The following RBM5 variants were observed in gnomAD, a reference collection of about 807,000 sequenced individuals.
The protein encoded by RBM5 is RNA binding motif protein 5, also known as RNA-binding protein 5.
In RBM5, 15 loss-of-function variants were observed where a neutral mutation model predicts 124.6. The ratio of observed to expected loss-of-function variants is 0.12; its 90% CI spans 0.08 to 0.19. The LOEUF is 0.19. Among genes scored for constraint, RBM5 ranks in the 10% least tolerant of loss-of-function variants. The pLI is 1.00. For synonymous variants in RBM5, 337 were observed against 361.2 expected (o/e 0.93, Z 0.76); for missense variants, 580 against 1,026.5 (o/e 0.57, Z 5.94).
At position 50,113,817 on chromosome 3, in the gene RBM5, A is replaced by G; in HGVS notation, c.1618-133A>G. 1.8e-6 allele frequency: 2 copies of G among 1,097,116 alleles called. No individual in the cohort carries two copies. The highest frequency in any genetic ancestry group is 1.3e-6 in the Non-Finnish European group (1 of 764,250). The allele number at this position is 1,097,116 out of a possible 1,614,324, so 68.0% of individuals were successfully genotyped here. On this transcript the variant is annotated intron_variant, in intron 18 of 24. Transcript: ENST00000347869. ...TTATATGTGATAACATCTAATGGAA[A>G]TATTTGTAGGTGGAAGTAAGAGTAA...
intron 11 of RBM5, 75 bp downstream of exon 11, chr3:50,106,939 C>G: frequency 8.1e-7 from 1 of 1,232,160 alleles, no homozygotes; most frequent in South Asian, 1.2e-5. Context: ...GAACGCCAAG[C>G]CTGTGCCCCA....
intron 22 of RBM5, 188 bp from the exon 23 acceptor site, chr3:50,116,886 C>T (rs2091262904): frequency 1.7e-6 from 1 of 593,222 alleles, no homozygotes; most frequent in Non-Finnish European, 3.0e-6. Flanking sequence ...TTCATATTTA[C>T]AAATTTAACA....
At chr3:50,098,893 CAG>C (rs1349662658) in intron 4 of RBM5, among the ~76,000 whole-genome samples, 5 of 152,108 alleles carry the variant, frequency 3.3e-5, no homozygotes, top group African/African-American at 1.2e-4. Flanking sequence ...GAACAAAGGA[CAG>C]GGAGATTAGA....
At chr3:50,109,465 G>C in intron 14 of RBM5, 138 bp from the exon 15 acceptor site, 1 of 684,258 alleles carries the variant, frequency 1.5e-6, no homozygotes, top group Non-Finnish European at 2.6e-6. Context: ...ACAGATTCCA[G>C]GGTACTTAGT....
At chr3:50,110,280 G>T in intron 15 of RBM5, 99 bp from the exon 16 acceptor site, 1 of 967,446 alleles carries the variant, frequency 1.0e-6, no homozygotes, top group Admixed American at 2.3e-5. Context: ...GCTACAGTGT[G>T]TCTGTCAGGG....
At chr3:50,115,341 G>A (rs1461520993) in intron 20 of RBM5, 87 bp from the exon 21 acceptor site, 36 of 1,424,062 alleles carry the variant, frequency 2.5e-5, no homozygotes, top group South Asian at 3.8e-5. Context: ...TTAACATTTC[G>A]GATGAGGCAT....
chr3:50,115,840 A>G, intron 21 of RBM5, 66 bp from the exon 22 acceptor site: 1 of 1,424,082 alleles, frequency 7.0e-7, no homozygotes, highest in Admixed American at 1.7e-5. Context: ...AGATGTTACT[A>G]ATGTTAGGAC....
chr3:50,110,810 GT>G (rs2091129874), intron 17 of RBM5, 40 bp downstream of exon 17: 1 of 1,475,188 alleles, frequency 6.8e-7, no homozygotes, highest in Non-Finnish European at 9.4e-7. Flanking sequence ...ACTAGAAGTA[GT>G]TTCGCTTAGT....
chr3:50,115,916 A>G lies in RBM5; in HGVS notation c.2030A>G (p.Asp677Gly). 1 of 1,613,134 alleles carries G rather than the reference A, an allele frequency of 6.2e-7. No homozygotes were observed. Among genetic ancestry groups the G allele is most frequent in the Non-Finnish European group, 8.5e-7 (1 of 1,179,106 alleles). The change falls in exon 22 of 25, where the codon GAC (aspartate) becomes GGC (glycine). Residue 677 changes from aspartate to glycine, a missense_variant. Around this residue, in one of 6 missense-constraint regions of RBM5, gnomAD observed 234 missense variants for 435.1 expected, o/e 0.54. Transcript: ENST00000347869. Reference protein sequence around the residue: ...QLSDLHKQNMDIYRRSRLSEQ... With the variant: ...QLSDLHKQNMGIYRRSRLSEQ... ...AAATCTTTTGTGTAGCAAAACATGG[A>G]CATCTATCGACGATCCAGGCTGAGC...
At chr3:50,099,535 TA>T (rs1398878160) in intron 4 of RBM5, 1 of 154,340 alleles carries the variant, frequency 6.5e-6, no homozygotes, top group African/African-American at 2.4e-5. Flanking sequence ...CCGTCTCTAC[TA>T]AAAATACAAA....
At chr3:50,092,415 G>T (rs1219172914) in intron 3 of RBM5, among the ~76,000 whole-genome samples, 2 of 152,136 alleles carry the variant, frequency 1.3e-5, no homozygotes, top group Non-Finnish European at 2.9e-5. Context: ...ACAAAAATTA[G>T]CTGAGTGGGG....
intron 15 of RBM5, among the ~76,000 whole-genome samples, chr3:50,110,040 G>A (rs1448375388): frequency 2.0e-5 from 3 of 151,854 alleles, no homozygotes; most frequent in African/African-American, 4.8e-5. Flanking sequence ...GTGAAACCCC[G>A]TCTCTACTAA....
At position 50,090,469 on chromosome 3, in the gene RBM5, G is replaced by A. The variant is rs779999862; in HGVS notation, c.17+18G>A. The A allele has an allele frequency of 6.2e-6, 10 of 1,613,552 alleles. No homozygotes were observed. The African/African-American group carries it at 6.7e-5, about 11-fold the overall frequency. ...GACAAAAGGTAAGTTACTACAGTAC[G>A]TGGCTTTGATCTCAACATTTCAGTG... On this transcript the variant is annotated intron_variant, in intron 2 of 24. Coordinates refer to ENST00000347869, the MANE Select transcript of RBM5 (RefSeq NM_005778.4).
intron 6 of RBM5, chr3:50,102,806 C>A (rs1010422159): frequency 2.6e-6 from 1 of 390,592 alleles, no homozygotes; most frequent in Non-Finnish European, 4.7e-6. Context: ...GTTAGGACTT[C>A]TGTCTCCGCT....
chr3:50,113,278 A>G (rs2091181994), intron 17 of RBM5, 105 bp from the exon 18 acceptor site: 33 of 1,220,150 alleles, frequency 2.7e-5, no homozygotes, highest in Non-Finnish European at 3.7e-5. Flanking sequence ...TGGGCAGGAA[A>G]TATCACTAGT....
intron 4 of RBM5, among the ~76,000 whole-genome samples, chr3:50,095,187 C>G (rs2090788481): frequency 6.6e-6 from 1 of 152,106 alleles, no homozygotes; most frequent in Non-Finnish European, 1.5e-5. Flanking sequence ...GGTGACAGAA[C>G]AAGACCCTGT....
At position 50,113,886 on chromosome 3, in the gene RBM5, T is replaced by G. The variant is rs1186258278; in HGVS notation, c.1618-64T>G. Reference sequence around the variant, plus strand: ...CATATAGTTGAGATAAGATCCTTAATGGCTCATTCTCATGGCACAGGGGAT... The same window carrying G: ...CATATAGTTGAGATAAGATCCTTAAGGGCTCATTCTCATGGCACAGGGGAT... On this transcript the variant is annotated intron_variant, in intron 18 of 24. Coordinates refer to ENST00000347869, the MANE Select transcript of RBM5 (RefSeq NM_005778.4). The G allele has an allele frequency of 2.6e-6, 4 of 1,557,306 alleles. No individual in the cohort carries two copies. In the African/African-American group the frequency reaches 5.5e-5, roughly 21 times the overall value.
At chr3:50,103,188 A>G (rs753169536) in intron 7 of RBM5, 22 bp downstream of exon 7, 7 of 1,561,966 alleles carry the variant, frequency 4.5e-6, no homozygotes, top group Admixed American at 1.7e-5. Flanking sequence ...TTCTTCCCAA[A>G]TAGACAAAAC....
chr3:50,100,960 G>T lies in RBM5; in HGVS notation c.483+355G>T, dbSNP rs1007955028. The T allele has an allele frequency of 5.6e-6, 1 of 179,572 alleles. No individual in the cohort carries two copies. Among genetic ancestry groups the T allele is most frequent in the South Asian group, 1.9e-4 (1 of 5,208 alleles). The allele number at this position is 179,572 out of a possible 1,614,324, so 11.1% of individuals were successfully genotyped here. ...CAAACTCTCCATTTGACAGTGAAGA[G>T]AACATAGTGAAAGTCTGTGGCGGCA... On this transcript the variant is annotated intron_variant, in intron 6 of 24. Transcript: ENST00000347869. The surrounding 1 kb of genome is among the most constrained non-coding windows in gnomAD (Gnocchi z 5.1).
Sources: gnomAD v4.1 joint callset for allele counts (sites outside exome capture counted in the v4.1 genomes callset) on GRCh38, gnomAD v4.1.1 for gene constraint, gnomAD v4.1.1 regional missense constraint, Gnocchi (gnomAD v3.1) non-coding constraint, MANE v1.5 for transcripts, NCBI Gene and HGNC (gene_info 2026-07-23, HGNC 2026-07-21) for gene names.